PRKG1: variants seen among roughly 807,000 people sequenced by gnomAD.
PRKG1 encodes cGMP-dependent protein kinase 1.
In PRKG1, 35 loss-of-function variants were observed where a neutral mutation model predicts 88.1. The observed-to-expected ratio is 0.40, with a 90% CI of 0.30 to 0.53. The LOEUF (loss-of-function observed/expected upper bound fraction) is 0.53, where lower values mean the gene tolerates loss of function less well. Among genes scored for constraint, PRKG1 ranks in the 20% least tolerant of loss-of-function variants. The probability of loss-of-function intolerance (pLI) is 0.59; values close to 1 mark genes in which losing one functional copy is unlikely to be tolerated. For missense variants in PRKG1, 540 were observed against 839.8 expected (o/e 0.64, Z 4.41); for synonymous variants, 303 against 292.5 (o/e 1.04, Z -0.37).
At chr10:52,090,241 G>A (rs2133321462) in intron 7 of PRKG1, among the ~76,000 whole-genome samples, 1 of 152,022 alleles carries the variant, frequency 6.6e-6, no homozygotes, top group East Asian at 1.9e-4. Context: ...TAGAAAGGAA[G>A]GAATGATTTT....
At chr10:51,671,372 A>G (rs1840571787) in intron 3 of PRKG1, among the ~76,000 whole-genome samples, 1 of 152,210 alleles carries the variant, frequency 6.6e-6, no homozygotes, top group Non-Finnish European at 1.5e-5. Context: ...TCTGAAGGCT[A>G]GAAGTTCAAG....
chr10:51,878,995 T>C (rs1342847559), intron 4 of PRKG1, among the ~76,000 whole-genome samples: 1 of 152,214 alleles, frequency 6.6e-6, no homozygotes, highest in Non-Finnish European at 1.5e-5. Flanking sequence ...ATTACTGACC[T>C]ATCTATAACT....
intron 2 of PRKG1, among the ~76,000 whole-genome samples, chr10:51,263,662 G>A (rs190890354): frequency 1.2e-4 from 19 of 152,294 alleles, no homozygotes; most frequent in Admixed American, 1.0e-3. Flanking sequence ...TGCATGTAAC[G>A]TATATGATAA....
chr10:51,152,644 G>C (rs1209285836), intron 1 of PRKG1, among the ~76,000 whole-genome samples: 2 of 151,954 alleles, frequency 1.3e-5, no homozygotes, highest in Non-Finnish European at 2.9e-5. Context: ...AATGATCCCT[G>C]CTTATGTGGA....
intron 2 of PRKG1, among the ~76,000 whole-genome samples, chr10:51,371,616 C>T (rs1385637786): frequency 6.6e-6 from 1 of 152,114 alleles, no homozygotes; most frequent in Non-Finnish European, 1.5e-5. Context: ...CACTCCTATT[C>T]CCATCTGCCA....
chr10:52,149,896 C>T (rs915962168), intron 8 of PRKG1, among the ~76,000 whole-genome samples: 1 of 151,928 alleles, frequency 6.6e-6, no homozygotes, highest in African/African-American at 2.4e-5. Flanking sequence ...CCACTTATCC[C>T]AGCACTTTGG....
intron 3 of PRKG1, among the ~76,000 whole-genome samples, chr10:51,728,280 T>A (rs1048567911): frequency 6.6e-6 from 1 of 151,998 alleles, no homozygotes; most frequent in Non-Finnish European, 1.5e-5. Flanking sequence ...TTGCCTATAA[T>A]GCCCCCAAAT....
chr10:52,215,700 G>C (rs895150464), intron 9 of PRKG1, among the ~76,000 whole-genome samples: 8 of 152,158 alleles, frequency 5.3e-5, no homozygotes, highest in Admixed American at 3.3e-4. Context: ...AAAGGTGAAA[G>C]GAATGAAAAT....
chr10:51,842,822 G>C (rs1589344181), intron 4 of PRKG1, among the ~76,000 whole-genome samples: 1 of 151,956 alleles, frequency 6.6e-6, no homozygotes, highest in East Asian at 1.9e-4. Flanking sequence ...AATTATGCCT[G>C]TCAATTATAA....
At chr10:51,047,018 G>A (rs1390755309) in intron 1 of PRKG1, among the ~76,000 whole-genome samples, 4 of 152,234 alleles carry the variant, frequency 2.6e-5, no homozygotes, top group Middle Eastern at 3.4e-3. Flanking sequence ...GAATAACAAC[G>A]TAATATTCTT....
At chr10:51,923,641 T>C (rs987017176) in intron 5 of PRKG1, among the ~76,000 whole-genome samples, 5 of 151,848 alleles carry the variant, frequency 3.3e-5, no homozygotes, top group Non-Finnish European at 7.4e-5. Context: ...ACTTCACAGA[T>C]AGCATATGTA....
At chr10:51,851,828 C>G (rs139383287) in intron 4 of PRKG1, among the ~76,000 whole-genome samples, 1 of 152,034 alleles carries the variant, frequency 6.6e-6, no homozygotes, top group South Asian at 2.1e-4. Context: ...CCAAGGTTGG[C>G]GAATAAATTA....
chr10:51,017,889 C>G (rs1216431716), intron 1 of PRKG1, among the ~76,000 whole-genome samples: 5 of 151,886 alleles, frequency 3.3e-5, no homozygotes, highest in Admixed American at 6.6e-5. Flanking sequence ...AGCCTTGACC[C>G]CTGGGCTCAA....
At position 51,138,670 on chromosome 10, in the gene PRKG1, G is replaced by GTTTTTTTT. The variant is rs1402122952; in HGVS notation, c.312-14490_312-14489insTTTTTTTT. 2.1e-4 allele frequency among the ~76,000 whole-genome samples: 14 copies of GTTTTTTTT among 67,074 alleles called. 1 individual carries two copies. The highest frequency in any genetic ancestry group is 3.3e-4 in the Non-Finnish European group (10 of 30,764). 44.0% of individuals were successfully genotyped at this position (67,074 alleles called of 152,430 possible). A position where few individuals can be genotyped will look rare whatever the true frequency, so the allele number is the denominator to read the frequency against. ...GGAATCCAGTCTTTTTGGACATTGA[G>GTTTTTTTT]TTTTGTTTTTTTTTTTTTTTTTTTT... On this transcript the variant is annotated intron_variant, in intron 1 of 17. Transcript: ENST00000373980.
chr10:51,912,945 T>C (rs1480859711), intron 5 of PRKG1, among the ~76,000 whole-genome samples: 2 of 152,190 alleles, frequency 1.3e-5, no homozygotes, highest in African/African-American at 4.8e-5. Flanking sequence ...TATTATTTTT[T>C]TGAGATGAAA....
In PRKG1 at chr10:51,404,061, T is replaced by C. The variant is rs146555506; in HGVS notation, c.479-63662T>C. On this transcript the variant is annotated intron_variant, in intron 2 of 17. Transcript: ENST00000373980. ...GTTCTAGAAATAGTTTACTATTCTC[T>C]AAAAAACATTAGTGCATAGTGCTGT... Among the ~76,000 whole-genome samples the C allele has an allele frequency of 1.3e-4, 20 of 152,298 alleles. No homozygotes were observed. In the East Asian group the frequency reaches 3.9e-3, roughly 29 times the overall value.
chr10:52,232,128 C>A (rs1187598291), intron 9 of PRKG1, among the ~76,000 whole-genome samples: 1 of 151,950 alleles, frequency 6.6e-6, no homozygotes, highest in East Asian at 1.9e-4. Context: ...TATGGTGAAA[C>A]CCCATCTCTA....
intron 2 of PRKG1, among the ~76,000 whole-genome samples, chr10:51,334,901 A>G (rs544138625): frequency 6.6e-6 from 1 of 151,932 alleles, no homozygotes; most frequent in South Asian, 2.1e-4. Flanking sequence ...TGTGATGTCT[A>G]GATGTTTGCC....
intron 5 of PRKG1, among the ~76,000 whole-genome samples, chr10:51,965,040 G>C (rs545313588): frequency 5.1e-4 from 77 of 152,244 alleles, no homozygotes; most frequent in African/African-American, 1.8e-3. Flanking sequence ...TCTTATAAAA[G>C]CATGGAATAA....
Sources: gnomAD v4.1 joint callset for allele counts (sites outside exome capture counted in the v4.1 genomes callset) on GRCh38, gnomAD v4.1.1 for gene constraint, MANE v1.5 for transcripts, NCBI Gene and HGNC (gene_info 2026-07-23, HGNC 2026-07-21) for gene names.